CSMD1: variants seen among roughly 807,000 people sequenced by gnomAD.
The protein encoded by CSMD1 is CUB and Sushi multiple domains 1.
A neutral mutation model predicts 417.5 loss-of-function variants in CSMD1; 213 were observed. The observed-to-expected ratio is 0.51, with a 90% CI of 0.46 to 0.57. The LOEUF is 0.57. Among genes scored for constraint, CSMD1 ranks in the 20% least tolerant of loss-of-function variants. The pLI is 0.00. For synonymous variants in CSMD1, 2,862 were observed against 1,736.8 expected (o/e 1.65, Z -16.11); for missense variants, 6,923 against 4,529.7 (o/e 1.53, Z -15.17).
At chr8:3,725,023 G>C (rs1184242673) in intron 6 of CSMD1, among the ~76,000 whole-genome samples, 1 of 152,144 alleles carries the variant, frequency 6.6e-6, no homozygotes, top group South Asian at 2.1e-4. Context: ...CGTTATTCTG[G>C]GAAGAGGCCC....
chr8:4,106,298 T>G (rs1301723914), intron 3 of CSMD1, among the ~76,000 whole-genome samples: 2 of 152,220 alleles, frequency 1.3e-5, no homozygotes, highest in Non-Finnish European at 2.9e-5. Context: ...GGAAAATACG[T>G]TAGAGCTTAC....
At chr8:4,923,197 C>CAATAGTTACATAATAGTTACAT (rs1806615652) in intron 1 of CSMD1, among the ~76,000 whole-genome samples, 1 of 152,132 alleles carries the variant, frequency 6.6e-6, no homozygotes, top group African/African-American at 2.4e-5. Context: ...CATTTTCTTT[C>CAATAGTTACATAATAGTTACAT]AATAGTTACA....
At chr8:4,725,487 G>A (rs1018917904) in intron 1 of CSMD1, among the ~76,000 whole-genome samples, 3 of 151,992 alleles carry the variant, frequency 2.0e-5, no homozygotes, top group Non-Finnish European at 2.9e-5. Flanking sequence ...ACATAGTTAC[G>A]TGAGCTCCAC....
chr8:4,645,830 C>T (rs140421068), intron 1 of CSMD1, among the ~76,000 whole-genome samples: 1 of 152,218 alleles, frequency 6.6e-6, no homozygotes, highest in East Asian at 1.9e-4. Flanking sequence ...TCATTCTTCA[C>T]AGGGAGGCTT....
intron 5 of CSMD1, among the ~76,000 whole-genome samples, chr8:3,859,242 C>T (rs1461842309): frequency 5.9e-5 from 9 of 152,222 alleles, no homozygotes; most frequent in African/African-American, 4.8e-5. Flanking sequence ...CTCAAGTGAA[C>T]GCCATTCAAT....
At chr8:4,028,132 T>G (rs909167764) in intron 4 of CSMD1, among the ~76,000 whole-genome samples, 1 of 152,024 alleles carries the variant, frequency 6.6e-6, no homozygotes, top group Non-Finnish European at 1.5e-5. Flanking sequence ...TTCAGGAACA[T>G]GAAGAGAAAA....
chr8:3,759,560 G>C (rs1457298207), intron 5 of CSMD1, among the ~76,000 whole-genome samples: 1 of 151,920 alleles, frequency 6.6e-6, no homozygotes, highest in Non-Finnish European at 1.5e-5. Flanking sequence ...GGTGGAAAAT[G>C]GGCATGAACA....
intron 6 of CSMD1, among the ~76,000 whole-genome samples, chr8:3,732,829 C>A (rs537365573): frequency 2.0e-5 from 3 of 152,132 alleles, no homozygotes; most frequent in Admixed American, 6.5e-5. Context: ...AGGTATTTAT[C>A]GAGTGATTCA....
At chr8:4,651,893 C>T (rs545283826) in intron 1 of CSMD1, among the ~76,000 whole-genome samples, 2 of 152,266 alleles carry the variant, frequency 1.3e-5, no homozygotes, top group Non-Finnish European at 2.9e-5. Context: ...TAGGGAGAGA[C>T]ATTAGATTAT....
chr8:4,059,681 T>C (rs1798872074), intron 3 of CSMD1, among the ~76,000 whole-genome samples: 1 of 152,128 alleles, frequency 6.6e-6, no homozygotes, highest in South Asian at 2.1e-4. Flanking sequence ...GCAAATAAAC[T>C]AGAAAATCTA....
chr8:3,146,103 T>C (rs1380768), intron 40 of CSMD1, among the ~76,000 whole-genome samples: 51,849 of 152,130 alleles, frequency 0.34, 11,439 homozygotes, highest in Non-Finnish European at 0.49. Context: ...CCTTTTATAT[T>C]GTCCCTATGT....
chr8:4,238,532 C>T (rs555616633), intron 3 of CSMD1, among the ~76,000 whole-genome samples: 4 of 152,148 alleles, frequency 2.6e-5, no homozygotes, highest in Admixed American at 6.5e-5. Context: ...GTCAGACAGG[C>T]TTGAGGTTGA....
intron 3 of CSMD1, among the ~76,000 whole-genome samples, chr8:4,133,348 A>G (rs1301953396): frequency 1.3e-5 from 2 of 152,234 alleles, no homozygotes; most frequent in Admixed American, 6.5e-5. Flanking sequence ...CAGCATGGTA[A>G]GCACTTCACA....
At chr8:3,463,656 T>C (rs1194026421) in intron 12 of CSMD1, among the ~76,000 whole-genome samples, 1 of 152,200 alleles carries the variant, frequency 6.6e-6, no homozygotes, top group East Asian at 1.9e-4. Context: ...TGTGCCGTCA[T>C]TGCACTTGGA....
chr8:4,445,490 T>G (rs989574578), intron 2 of CSMD1, among the ~76,000 whole-genome samples: 1 of 152,240 alleles, frequency 6.6e-6, no homozygotes, highest in African/African-American at 2.4e-5. Flanking sequence ...AAGTCTTTGC[T>G]TTCATAAAGC....
intron 33 of CSMD1, among the ~76,000 whole-genome samples, chr8:3,198,745 T>C (rs1174286091): frequency 6.6e-6 from 1 of 152,206 alleles, no homozygotes; most frequent in East Asian, 1.9e-4. Context: ...ATAACACTGT[T>C]ATACTCCACC....
At chr8:4,935,312 C>A (rs999963544) in intron 1 of CSMD1, among the ~76,000 whole-genome samples, 3 of 152,188 alleles carry the variant, frequency 2.0e-5, no homozygotes, top group Non-Finnish European at 4.4e-5. Context: ...AGGCAGAGGT[C>A]TCATTAGGAA....
intron 3 of CSMD1, among the ~76,000 whole-genome samples, chr8:4,306,865 T>G (rs1464002611): frequency 2.0e-5 from 3 of 152,156 alleles, no homozygotes; most frequent in Non-Finnish European, 2.9e-5. Flanking sequence ...TTCAATCTCT[T>G]TTTGCAAAAT....
At chr8:3,350,107 G>C (rs1563299099) in intron 21 of CSMD1, among the ~76,000 whole-genome samples, 1 of 124,714 alleles carries the variant, frequency 8.0e-6, no homozygotes, top group African/African-American at 3.1e-5. Flanking sequence ...ATAATAACTT[G>C]TGTATGTGTG....
Sources: allele counts gnomAD v4.1 joint callset (sites outside exome capture counted in the v4.1 genomes callset), GRCh38; gene constraint gnomAD v4.1.1; transcripts MANE v1.5; gene names NCBI Gene and HGNC (gene_info 2026-07-23, HGNC 2026-07-21).